Variants in SLC12A3 observed in about 807,000 individuals in gnomAD.
SLC12A3 encodes the protein Na-Cl cotransporter.
In SLC12A3, 104 loss-of-function variants were observed where a neutral mutation model predicts 121.0. That is an observed-to-expected ratio of 0.86 (90% CI 0.73 to 1.01). The LOEUF is 1.01. SLC12A3 is among the 50% of genes least tolerant of loss of function. The pLI is 0.00. For missense variants in SLC12A3, 1,328 were observed against 1,356.3 expected, an observed-to-expected ratio of 0.98 and a Z score of 0.33; for synonymous variants, 536 against 533.4, an observed-to-expected ratio of 1.00 and a Z score of -0.07.
chr16:56,885,479 C>T, intron 15 of SLC12A3, 115 bp downstream of exon 15: 1 of 739,930 alleles, frequency 1.4e-6, no homozygotes, highest in Non-Finnish European at 2.4e-6. Context: ...GTATGTGCAG[C>T]CTCCACTCAG....
intron 18 of SLC12A3, 142 bp downstream of exon 18, chr16:56,888,173 G>A: frequency 1.6e-6 from 1 of 632,768 alleles, no homozygotes; most frequent in Non-Finnish European, 2.9e-6. Context: ...CAGCTACTTG[G>A]GAGGCTGAGG....
intron 22 of SLC12A3, among the ~76,000 whole-genome samples, chr16:56,896,246 G>T (rs1401451022): frequency 6.6e-6 from 1 of 152,154 alleles, no homozygotes; most frequent in Non-Finnish European, 1.5e-5. Context: ...CCAATTCTGG[G>T]GCTGATTCTG....
In SLC12A3 at chr16:56,891,006, G is replaced by A. The variant is rs575066500; in HGVS notation, c.2368+650G>A. Among the ~76,000 whole-genome samples, 10 of 152,076 alleles carry A rather than the reference G, an allele frequency of 6.6e-5. No individual in the cohort carries two copies. The East Asian group carries it at 1.4e-3, about 21-fold the overall frequency. On this transcript the variant is annotated intron_variant, in intron 19 of 25. Transcript: ENST00000563236. Reference sequence around the variant, plus strand: ...AAAATACATAATGACCATGGGAACCGGGCATTTTGGTCCACTGAGTAGGGA... The same window carrying A: ...AAAATACATAATGACCATGGGAACCAGGCATTTTGGTCCACTGAGTAGGGA...
chr16:56,893,584 A>C (rs1000321637), intron 21 of SLC12A3, among the ~76,000 whole-genome samples: 5 of 151,982 alleles, frequency 3.3e-5, no homozygotes, highest in Non-Finnish European at 7.4e-5. Flanking sequence ...GTCATGATTA[A>C]CTCCGCTTTA....
intron 21 of SLC12A3, among the ~76,000 whole-genome samples, chr16:56,894,117 C>G (rs1226930025): frequency 6.6e-6 from 1 of 151,950 alleles, no homozygotes; most frequent in Non-Finnish European, 1.5e-5. Flanking sequence ...GATTCTCCTG[C>G]CTCAGCCTCC....
At position 56,879,664 on chromosome 16, in the gene SLC12A3, A is replaced by G. The variant is rs1205287106; in HGVS notation, c.1443+15A>G. ...AAGTCTTCCAGGTGAGGCCGCAGAAAGGGGTCGAGATGACAGGGGGTGGGG... is the reference window on the plus strand; with the variant it reads ...AAGTCTTCCAGGTGAGGCCGCAGAAGGGGGTCGAGATGACAGGGGGTGGGG... On this transcript the variant is annotated intron_variant, in intron 11 of 25. Transcript: ENST00000563236. 1.9e-6 allele frequency: 3 copies of G among 1,594,950 alleles called. No homozygotes were observed. Among genetic ancestry groups the G allele is most frequent in the South Asian group, 1.1e-5 (1 of 90,770 alleles).
chr16:56,881,450 G>T (rs183733392), intron 12 of SLC12A3, among the ~76,000 whole-genome samples: 2 of 152,094 alleles, frequency 1.3e-5, no homozygotes, highest in Non-Finnish European at 2.9e-5. Context: ...CATCTGGGGG[G>T]GGGTCTGACT....
At chr16:56,883,099 C>T (rs1385981255) in intron 13 of SLC12A3, among the ~76,000 whole-genome samples, 5 of 152,004 alleles carry the variant, frequency 3.3e-5, no homozygotes, top group African/African-American at 1.2e-4. Context: ...GAGCCTGGTT[C>T]TTCAGAGAAA....
intron 22 of SLC12A3, among the ~76,000 whole-genome samples, chr16:56,896,245 G>A (rs2055460458): frequency 6.6e-6 from 1 of 152,170 alleles, no homozygotes; most frequent in African/African-American, 2.4e-5. Context: ...TCCAATTCTG[G>A]GGCTGATTCT....
intron 8 of SLC12A3, 119 bp downstream of exon 8, chr16:56,872,905 A>C: frequency 7.5e-7 from 1 of 1,336,168 alleles, no homozygotes; most frequent in Non-Finnish European, 1.1e-6. Flanking sequence ...TCTAAAATCC[A>C]GTCCAGTCCA....
chr16:56,884,162 G>C lies in SLC12A3; in HGVS notation c.1783G>C (p.Val595Leu). Residue 595 changes from valine to leucine, a missense_variant, in exon 14 of 26, where the codon GTG becomes CTG. Physicochemically the swap from Val to Leu is conservative, Grantham distance 32. Transcript: ENST00000563236. ...GTGGGCGGCCCTCATCGCCATTGGC[G>C]TGGTGCTCTTCCTCCTGCTCTATGT... ...TWWAALIAIG[V>L]VLFLLLYVIY... 2 of 1,614,184 alleles carry C rather than the reference G, an allele frequency of 1.2e-6. 1 individual carries two copies. Among genetic ancestry groups the C allele is most frequent in the South Asian group, 2.2e-5 (2 of 91,086 alleles).
chr16:56,893,429 C>G (rs1373218738), intron 21 of SLC12A3, among the ~76,000 whole-genome samples: 1 of 152,194 alleles, frequency 6.6e-6, no homozygotes, highest in South Asian at 2.1e-4. Flanking sequence ...CTTTATTGCT[C>G]CTACCTTTGA....
chr16:56,872,682 C>A lies in SLC12A3; in HGVS notation c.991C>A (p.Pro331Thr). 1 of 1,614,270 alleles carries A rather than the reference C, an allele frequency of 6.2e-7. No individual in the cohort carries two copies. Among genetic ancestry groups the A allele is most frequent in the Non-Finnish European group, 8.5e-7 (1 of 1,180,052 alleles). ...RADIFVQNLV[P>T]DWRGPDGTFF... ...GGACATTTTTGTCCAGAACTTGGTG[C>A]CTGACTGGCGGGGTCCAGATGGCAC... The change falls in exon 8 of 26, where the codon CCT (proline) becomes ACT (threonine). Residue 331 changes from proline (P) to threonine (T), a missense_variant. Physicochemically the swap from Pro to Thr is conservative, Grantham distance 38. Coordinates refer to ENST00000563236, the MANE Select transcript of SLC12A3 (RefSeq NM_001126108.2).
intron 8 of SLC12A3, among the ~76,000 whole-genome samples, chr16:56,877,864 A>C (rs2055183458): frequency 6.6e-6 from 1 of 152,058 alleles, no homozygotes; most frequent in Non-Finnish European, 1.5e-5. Flanking sequence ...GGTTGTATTC[A>C]TCCCTCTCTG....
intron 24 of SLC12A3, 23 bp downstream of exon 24, chr16:56,902,531 G>GGGGCGGC: frequency 1.4e-6 from 1 of 714,568 alleles, no homozygotes; most frequent in Non-Finnish European, 2.4e-6. Context: ...GTGGGGGTGG[G>GGGGCGGC]AAACGCGACA....
Position 56,902,610 on chromosome 16 carries a change from C to T in SLC12A3, c.2856+102C>T, listed in dbSNP as rs2055554101. On this transcript the variant is annotated intron_variant, in intron 24 of 25. Coordinates refer to ENST00000563236, the MANE Select transcript of SLC12A3 (RefSeq NM_001126108.2). ...CCCAGCCCCTCCCCTCGATCCTCCACCCTGCCTTCCACTCCGGCCCCTGAG... is the reference window on the plus strand; with the variant it reads ...CCCAGCCCCTCCCCTCGATCCTCCATCCTGCCTTCCACTCCGGCCCCTGAG... 11 of 1,421,704 alleles carry T rather than the reference C, an allele frequency of 7.7e-6. No homozygotes were observed. The Admixed American group carries it at 1.5e-4, about 19-fold the overall frequency. The allele number at this position is 1,421,704 out of a possible 1,614,324, so 88.1% of individuals were successfully genotyped here.
chr16:56,892,869 A>G (rs1295692201), intron 20 of SLC12A3, 84 bp from the exon 21 acceptor site: 1 of 1,057,558 alleles, frequency 9.5e-7, no homozygotes, highest in Non-Finnish European at 1.5e-6. Context: ...TCAACATCAG[A>G]AGGGGCGTTG....
At chr16:56,911,206 A>G (rs1427363601) in intron 25 of SLC12A3, among the ~76,000 whole-genome samples, 3 of 152,212 alleles carry the variant, frequency 2.0e-5, no homozygotes, top group Non-Finnish European at 1.5e-5. Context: ...CAGTACTCCT[A>G]TGTCCCTTTC....
At chr16:56,903,294 G>A (rs62035956) in intron 24 of SLC12A3, among the ~76,000 whole-genome samples, 20,051 of 152,142 alleles carry the variant, frequency 0.13, 1,401 homozygotes, top group Middle Eastern at 0.17. Context: ...CTAAGAAAGG[G>A]TGTGTGCCTG....
Sources: allele counts gnomAD v4.1 joint callset (sites outside exome capture counted in the v4.1 genomes callset), GRCh38; gene constraint gnomAD v4.1.1; transcripts MANE v1.5; gene names NCBI Gene and HGNC (gene_info 2026-07-23, HGNC 2026-07-21).